The following ASTN2 variants were observed in gnomAD, a reference collection of about 807,000 sequenced individuals.
ASTN2 encodes the protein astrotactin-2.
In ASTN2, 54 loss-of-function variants were observed where a neutral mutation model predicts 139.8. That is an observed-to-expected ratio of 0.39 (90% CI 0.31 to 0.48). ASTN2 has a LOEUF of 0.48. Ranked by LOEUF, ASTN2 falls within the 20% of genes least tolerant of loss-of-function variation. ASTN2 has a pLI of 0.95. For missense variants in ASTN2, 1,565 were observed against 1,725.1 expected (o/e 0.91, Z 1.64); for synonymous variants, 756 against 719.5 (o/e 1.05, Z -0.81).
rs545891729 is a variant in ASTN2, at chr9:116,950,505, TATTC to T, written c.1889+24699_1889+24702del. Among the ~76,000 whole-genome samples, 307 of 152,330 alleles carry T rather than the reference TATTC, an allele frequency of 2.0e-3. 3 individuals carry two copies. The highest frequency in any genetic ancestry group is 6.7e-3 in the African/African-American group (279 of 41,586). On this transcript the variant is annotated intron_variant, in intron 10 of 22. Coordinates refer to ENST00000313400, the MANE Select transcript of ASTN2 (RefSeq NM_001365068.1). Reference sequence around the variant, plus strand: ...GAGGATTATTGTTATTGCAAATTATTATTCATTTTTAATAAAAGATATGGTTGGA... The same window carrying T: ...GAGGATTATTGTTATTGCAAATTATTATTTTTAATAAAAGATATGGTTGGA...
chr9:116,572,574 G>A (rs59669804), intron 19 of ASTN2, among the ~76,000 whole-genome samples: 3,762 of 152,324 alleles, frequency 0.025, 149 homozygotes, highest in African/African-American at 0.086. Context: ...AGCAGATGGT[G>A]AGGAAGGCTT....
At position 117,136,304 on chromosome 9, in the gene ASTN2, A is replaced by G. The variant is rs200412934; in HGVS notation, c.1168+5022T>C. On this transcript the variant is annotated intron_variant, in intron 4 of 22. Transcript: ENST00000313400. Reference sequence around the variant, plus strand: ...TGGTTCTTCTTCCTGGGACATCAATATTGTATGAGGAATTGAGCAAGTGTT... The same window carrying G: ...TGGTTCTTCTTCCTGGGACATCAATGTTGTATGAGGAATTGAGCAAGTGTT... Among the ~76,000 whole-genome samples the G allele has an allele frequency of 1.2e-4, 18 of 152,278 alleles. No individual in the cohort carries two copies. In the East Asian group the frequency reaches 3.1e-3, roughly 26 times the overall value.
At chr9:117,039,147 C>A (rs1329300807) in intron 6 of ASTN2, among the ~76,000 whole-genome samples, 1 of 152,134 alleles carries the variant, frequency 6.6e-6, no homozygotes, top group African/African-American at 2.4e-5. Flanking sequence ...CATTTGAATT[C>A]TTCCTTTATT....
intron 19 of ASTN2, among the ~76,000 whole-genome samples, chr9:116,515,169 C>T (rs1051777886): frequency 2.6e-5 from 4 of 152,204 alleles, no homozygotes; most frequent in African/African-American, 4.8e-5. Flanking sequence ...ACATGCTCCC[C>T]GATAAGGTGA....
intron 3 of ASTN2, among the ~76,000 whole-genome samples, chr9:117,167,232 A>T (rs1830689303): frequency 6.6e-6 from 1 of 152,126 alleles, no homozygotes; most frequent in South Asian, 2.1e-4. Flanking sequence ...CAGTTTATCT[A>T]TCTATCTACC....
At chr9:117,286,627 A>G (rs1340894035) in intron 2 of ASTN2, among the ~76,000 whole-genome samples, 1 of 152,226 alleles carries the variant, frequency 6.6e-6, no homozygotes, top group Non-Finnish European at 1.5e-5. Flanking sequence ...TAAACAATGT[A>G]AAGTGCACCC....
At chr9:116,456,212 A>G (rs1451282054) in intron 20 of ASTN2, among the ~76,000 whole-genome samples, 1 of 152,190 alleles carries the variant, frequency 6.6e-6, no homozygotes, top group African/African-American at 2.4e-5. Flanking sequence ...GCATTTCTAC[A>G]TGCCAATAAT....
chr9:116,465,314 C>T (rs1385405690), intron 20 of ASTN2, among the ~76,000 whole-genome samples: 1 of 152,128 alleles, frequency 6.6e-6, no homozygotes, highest in Non-Finnish European at 1.5e-5. Context: ...CCTTTCTGGT[C>T]GACTGGACAC....
chr9:117,412,029 G>T (rs1161696086), intron 1 of ASTN2, among the ~76,000 whole-genome samples: 1 of 137,232 alleles, frequency 7.3e-6, no homozygotes, highest in Non-Finnish European at 1.5e-5. Context: ...CCCCCAGCGG[G>T]CACCAACTCT....
chr9:116,578,218 G>A (rs1387219071), intron 19 of ASTN2, among the ~76,000 whole-genome samples: 1 of 152,130 alleles, frequency 6.6e-6, no homozygotes, highest in Non-Finnish European at 1.5e-5. Context: ...GCCCAGAGAC[G>A]ACAGGACAAG....
intron 19 of ASTN2, among the ~76,000 whole-genome samples, chr9:116,574,693 C>T (rs1329564171): frequency 1.3e-5 from 2 of 152,196 alleles, no homozygotes; most frequent in African/African-American, 4.8e-5. Flanking sequence ...TGGTAAAATG[C>T]TTGCCCGTTT....
chr9:117,159,261 C>T (rs959532814), intron 3 of ASTN2, among the ~76,000 whole-genome samples: 1 of 151,812 alleles, frequency 6.6e-6, no homozygotes, highest in African/African-American at 2.4e-5. Context: ...TTAAAATCCC[C>T]CCTTCTTTGC....
rs148380483 is a variant in ASTN2 at position 116,424,960 on chromosome 9, T to C, written c.*891A>G. 7.9e-4 allele frequency among the ~76,000 whole-genome samples: 121 copies of C among 152,248 alleles called. No homozygotes were observed. Among genetic ancestry groups the C allele is most frequent in the African/African-American group, 2.8e-3 (118 of 41,562 alleles). On this transcript the variant is annotated 3_prime_UTR_variant, in exon 23 of 23. Transcript: ENST00000313400. ...ATCCTTTGGGTTTAGGTATCACTTTTTCAAGGAAGCATTTCAGGAGCCCTC... is the reference window on the plus strand; with the variant it reads ...ATCCTTTGGGTTTAGGTATCACTTTCTCAAGGAAGCATTTCAGGAGCCCTC...
chr9:117,117,534 T>G (rs941937431), intron 4 of ASTN2, among the ~76,000 whole-genome samples: 1 of 152,094 alleles, frequency 6.6e-6, no homozygotes, highest in East Asian at 1.9e-4. Flanking sequence ...AGGCTTTTTC[T>G]CTCCCTGAGC....
chr9:116,882,528 G>A (rs1833475722), intron 10 of ASTN2, among the ~76,000 whole-genome samples: 1 of 152,178 alleles, frequency 6.6e-6, no homozygotes, highest in Non-Finnish European at 1.5e-5. Context: ...CAGTCATTAT[G>A]TTTGAGCTAG....
At chr9:117,249,597 T>G (rs998482382) in intron 2 of ASTN2, among the ~76,000 whole-genome samples, 3 of 152,040 alleles carry the variant, frequency 2.0e-5, no homozygotes, top group Non-Finnish European at 4.4e-5. Flanking sequence ...ATGCATGTGG[T>G]TCCTCTCTTC....
At chr9:117,012,404 A>G (rs1018806892) in intron 6 of ASTN2, among the ~76,000 whole-genome samples, 4 of 152,214 alleles carry the variant, frequency 2.6e-5, no homozygotes, top group African/African-American at 9.6e-5. Flanking sequence ...GCCTGAAAAG[A>G]AGTAACTTTG....
intron 11 of ASTN2, among the ~76,000 whole-genome samples, chr9:116,832,670 A>C (rs1831850285): frequency 1.3e-5 from 2 of 152,080 alleles, no homozygotes; most frequent in African/African-American, 4.8e-5. Context: ...TAGATTTTCA[A>C]ATAGGGAACC....
chr9:116,618,693 T>C (rs1326055221), intron 18 of ASTN2, among the ~76,000 whole-genome samples: 1 of 152,214 alleles, frequency 6.6e-6, no homozygotes, highest in Non-Finnish European at 1.5e-5. Flanking sequence ...CCTTTCAAGA[T>C]CAAAGTAGAA....
Sources: allele counts gnomAD v4.1 joint callset (sites outside exome capture counted in the v4.1 genomes callset), GRCh38; gene constraint gnomAD v4.1.1; transcripts MANE v1.5; gene names NCBI Gene and HGNC (gene_info 2026-07-23, HGNC 2026-07-21).